The following SPRED1 variants were observed in gnomAD, a reference collection of about 807,000 sequenced individuals.
SPRED1 encodes the protein sprouty related EVH1 domain containing 1.
In SPRED1, 18 loss-of-function variants were observed where a neutral mutation model predicts 52.3. That is an observed-to-expected ratio of 0.34 (90% confidence interval 0.24 to 0.51). The LOEUF is 0.51. SPRED1 is among the 20% of genes least tolerant of loss of function. The probability of loss-of-function intolerance (pLI) is 0.97; values close to 1 mark genes in which losing one functional copy is unlikely to be tolerated. For synonymous variants in SPRED1, 155 were observed against 179.7 expected, an observed-to-expected ratio of 0.86 and a Z score of 1.10; for missense variants, 485 against 551.0, an observed-to-expected ratio of 0.88 and a Z score of 1.20.
chr15:38,275,660 G>A (rs1467674174), intron 1 of SPRED1, among the ~76,000 whole-genome samples: 6 of 152,130 alleles, frequency 3.9e-5, no homozygotes, highest in Admixed American at 3.9e-4. Flanking sequence ...ATCATGCCCA[G>A]CTAATTTTTG....
At chr15:38,255,457 T>G (rs527770891) in intron 1 of SPRED1, among the ~76,000 whole-genome samples, 1 of 152,342 alleles carries the variant, frequency 6.6e-6, no homozygotes, top group Admixed American at 6.5e-5. Context: ...GCATAATATT[T>G]TGGTAAACTC....
intron 4 of SPRED1, among the ~76,000 whole-genome samples, chr15:38,339,346 T>C (rs946960193): frequency 6.6e-6 from 1 of 152,116 alleles, no homozygotes; most frequent in Non-Finnish European, 1.5e-5. Context: ...TCTTTGAACA[T>C]TTTTTTAACT....
At position 38,352,129 on chromosome 15, in the gene SPRED1, T is replaced by G; in HGVS notation, c.*465T>G. 1 of 169,346 alleles carries G rather than the reference T, an allele frequency of 5.9e-6. No homozygotes were observed. The highest frequency in any genetic ancestry group is 5.7e-5 in the Admixed American group (1 of 17,630). 10.5% of individuals were successfully genotyped at this position (169,346 alleles called of 1,614,324 possible). ...CAAGTGCAACTAAATCATTTATTAG[T>G]TGTTTTTTGAAAGCAGTTTTATGTA... On this transcript the variant is annotated 3_prime_UTR_variant, in exon 7 of 7. Transcript: ENST00000299084.
intron 1 of SPRED1, 62 bp from the exon 2 acceptor site, chr15:38,299,311 T>C (rs1042234072): frequency 1.3e-6 from 2 of 1,567,470 alleles, no homozygotes; most frequent in African/African-American, 2.7e-5. Context: ...CAAACAAGAC[T>C]GATGGCTTGG....
At chr15:38,266,048 C>T (rs934533339) in intron 1 of SPRED1, among the ~76,000 whole-genome samples, 3 of 152,106 alleles carry the variant, frequency 2.0e-5, no homozygotes, top group Admixed American at 2.0e-4. Flanking sequence ...GTTTTATGGT[C>T]ATTAAAAGCT....
At chr15:38,266,072 G>C (rs551511113) in intron 1 of SPRED1, among the ~76,000 whole-genome samples, 1 of 152,196 alleles carries the variant, frequency 6.6e-6, no homozygotes, top group South Asian at 2.1e-4. Context: ...GCAAAAATAC[G>C]TTTACATTTT....
At chr15:38,280,078 G>A (rs990033725) in intron 1 of SPRED1, among the ~76,000 whole-genome samples, 2 of 152,078 alleles carry the variant, frequency 1.3e-5, no homozygotes, top group Non-Finnish European at 2.9e-5. Flanking sequence ...TGTTGCCTTG[G>A]TCAATTTTTT....
intron 1 of SPRED1, among the ~76,000 whole-genome samples, chr15:38,263,412 C>A (rs151271838): frequency 2.0e-3 from 310 of 152,078 alleles, no homozygotes; most frequent in African/African-American, 7.2e-3. Context: ...TAGTTGAGGC[C>A]AGTGGAAAAT....
intron 2 of SPRED1, among the ~76,000 whole-genome samples, chr15:38,314,641 G>C (rs1439025092): frequency 2.0e-5 from 3 of 151,794 alleles, no homozygotes; most frequent in African/African-American, 7.2e-5. Context: ...TTGGAGTATG[G>C]GAACTGTAGA....
In SPRED1 at chr15:38,351,923, C is replaced by A; in HGVS notation, c.*259C>A. On this transcript the variant is annotated 3_prime_UTR_variant, in exon 7 of 7. Transcript: ENST00000299084. Reference sequence around the variant, plus strand: ...TGGTTATTTGGCTATAAAAAGTCAGCATAAAATATGATCCAACTAAAAGGG... The same window carrying A: ...TGGTTATTTGGCTATAAAAAGTCAGAATAAAATATGATCCAACTAAAAGGG... 1 of 555,836 alleles carries A rather than the reference C, an allele frequency of 1.8e-6. No individual in the cohort carries two copies. Among genetic ancestry groups the A allele is most frequent in the Non-Finnish European group, 3.2e-6 (1 of 312,558 alleles). The allele number at this position is 555,836 out of a possible 1,614,324, so 34.4% of individuals were successfully genotyped here.
rs1888617929 is a variant in SPRED1 at position 38,356,240 on chromosome 15, A to C, written c.*4576A>C. The stretch of plus-strand genomic sequence containing the variant: ...TGCATTCTTTCTAATGAACAATGAA[A>C]AACTGTTTAACTCATGTCATAATGT... On this transcript the variant is annotated 3_prime_UTR_variant, in exon 7 of 7. Transcript: ENST00000299084. 6.6e-6 allele frequency: 1 copy of C among 152,166 alleles called. No homozygotes were observed. Among genetic ancestry groups the C allele is most frequent in the Non-Finnish European group, 1.5e-5 (1 of 68,000 alleles). 9.4% of individuals were successfully genotyped at this position (152,166 alleles called of 1,614,324 possible).
At chr15:38,265,513 GA>G (rs1894289814) in intron 1 of SPRED1, among the ~76,000 whole-genome samples, 1 of 151,684 alleles carries the variant, frequency 6.6e-6, no homozygotes, top group Non-Finnish European at 1.5e-5. Context: ...TCCAACATTA[GA>G]AAAAAATTTA....
At chr15:38,302,458 G>T (rs1895165575) in intron 2 of SPRED1, among the ~76,000 whole-genome samples, 1 of 152,014 alleles carries the variant, frequency 6.6e-6, no homozygotes, top group African/African-American at 2.4e-5. Context: ...CAGGCTGCCT[G>T]AGACTTGTTC....
intron 2 of SPRED1, among the ~76,000 whole-genome samples, chr15:38,314,750 A>G (rs371374720): frequency 1.9e-4 from 29 of 152,020 alleles, no homozygotes; most frequent in African/African-American, 6.3e-4. Flanking sequence ...GCTGTTTTTT[A>G]TATTAACTAT....
At chr15:38,263,046 G>A (rs943693726) in intron 1 of SPRED1, among the ~76,000 whole-genome samples, 9 of 152,186 alleles carry the variant, frequency 5.9e-5, no homozygotes, top group African/African-American at 2.2e-4. Context: ...GAGGAAGAAT[G>A]TAGTAAGACA....
chr15:38,340,673 C>T (rs190912941), intron 5 of SPRED1, among the ~76,000 whole-genome samples: 2 of 152,204 alleles, frequency 1.3e-5, no homozygotes, highest in Admixed American at 6.5e-5. Flanking sequence ...GCTGGGATTA[C>T]AGGCACCTGC....
chr15:38,314,209 T>A (rs1333235413), intron 2 of SPRED1, among the ~76,000 whole-genome samples: 1 of 151,862 alleles, frequency 6.6e-6, no homozygotes, highest in African/African-American at 2.4e-5. Flanking sequence ...GATGTTTTAA[T>A]GGTGATATTC....
intron 4 of SPRED1, among the ~76,000 whole-genome samples, chr15:38,325,578 A>G (rs1895697885): frequency 6.6e-6 from 1 of 152,106 alleles, no homozygotes; most frequent in Admixed American, 6.5e-5. Context: ...TATTTTCTTC[A>G]GAGGACCTCA....
At chr15:38,344,691 T>G (rs1370327350) in intron 5 of SPRED1, among the ~76,000 whole-genome samples, 1 of 152,164 alleles carries the variant, frequency 6.6e-6, no homozygotes, top group Non-Finnish European at 1.5e-5. Flanking sequence ...ATTGGAATAA[T>G]ATCGGTATCT....
Sources: allele counts gnomAD v4.1 joint callset (sites outside exome capture counted in the v4.1 genomes callset), GRCh38; gene constraint gnomAD v4.1.1; transcripts MANE v1.5; gene names NCBI Gene and HGNC (gene_info 2026-07-23, HGNC 2026-07-21).